The following ARHGAP17 variants were observed in gnomAD, a reference collection of about 807,000 sequenced individuals.
ARHGAP17 encodes the protein rho GTPase-activating protein 17.
ARHGAP17 carries 57 observed loss-of-function variants against 99.5 expected under a neutral mutation model. The ratio of observed to expected loss-of-function variants is 0.57; its 90% CI spans 0.46 to 0.71. The LOEUF (loss-of-function observed/expected upper bound fraction) is 0.71, where lower values mean the gene tolerates loss of function less well. ARHGAP17 is among the 30% of genes least tolerant of loss of function. ARHGAP17 has a pLI of 0.00. For synonymous variants in ARHGAP17, 417 were observed against 429.6 expected, an observed-to-expected ratio of 0.97 and a Z score of 0.36; for missense variants, 1,000 against 1,122.4, an observed-to-expected ratio of 0.89 and a Z score of 1.56.
chr16:24,932,529 CCT>C (rs936416566), intron 18 of ARHGAP17, among the ~76,000 whole-genome samples: 1 of 152,042 alleles, frequency 6.6e-6, no homozygotes, highest in African/African-American at 2.4e-5. Context: ...TAACATGACC[CCT>C]GATCCCAAGC....
chr16:24,997,281 C>T (rs1332871745), intron 1 of ARHGAP17, among the ~76,000 whole-genome samples: 2 of 148,322 alleles, frequency 1.3e-5, no homozygotes, highest in Non-Finnish European at 3.0e-5. Context: ...CACACCCAGA[C>T]TCATATTCTC....
Position 24,952,429 on chromosome 16 carries a change from A to C in ARHGAP17, c.965-59T>G, listed in dbSNP as rs139389885. 600 of 1,380,788 alleles carry C rather than the reference A, an allele frequency of 4.3e-4. 2 individuals carry two copies. The African/African-American group carries it at 7.9e-3, about 18-fold the overall frequency. 85.5% of individuals were successfully genotyped at this position (1,380,788 alleles called of 1,614,324 possible). A position where few individuals can be genotyped will look rare whatever the true frequency, so the allele number is the denominator to read the frequency against. On this transcript the variant is annotated intron_variant, in intron 11 of 19. Coordinates refer to ENST00000289968, the MANE Select transcript of ARHGAP17 (RefSeq NM_001006634.3). Reference sequence around the variant, plus strand: ...AAGGGGTAAGGCTAGGAATCTTGGGACATATTATTTTGCAAATTGAAATGA... The same window carrying C: ...AAGGGGTAAGGCTAGGAATCTTGGGCCATATTATTTTGCAAATTGAAATGA...
At chr16:24,960,776 C>T (rs2051968347) in intron 7 of ARHGAP17, among the ~76,000 whole-genome samples, 1 of 148,906 alleles carries the variant, frequency 6.7e-6, no homozygotes, top group African/African-American at 2.5e-5. Context: ...AAGATTGTGC[C>T]ACTGCACTCC....
chr16:24,979,295 T>C (rs989870169), intron 1 of ARHGAP17, among the ~76,000 whole-genome samples: 1 of 152,208 alleles, frequency 6.6e-6, no homozygotes, highest in African/African-American at 2.4e-5. Context: ...CAGCAGGTGC[T>C]GATATAAAAT....
intron 3 of ARHGAP17, among the ~76,000 whole-genome samples, chr16:24,976,919 C>T (rs1321371802): frequency 2.6e-5 from 4 of 152,230 alleles, no homozygotes; most frequent in Admixed American, 2.6e-4. Context: ...ACAGGCTTTC[C>T]GCTTTCTGCC....
chr16:24,923,236 G>A (rs1293735977), intron 19 of ARHGAP17, among the ~76,000 whole-genome samples: 1 of 152,074 alleles, frequency 6.6e-6, no homozygotes, highest in African/African-American at 2.4e-5. Context: ...TAAATCCCTG[G>A]GTGAGGGCCT....
chr16:24,923,739 A>G (rs1046758261), intron 19 of ARHGAP17, among the ~76,000 whole-genome samples: 1 of 151,442 alleles, frequency 6.6e-6, no homozygotes, highest in African/African-American at 2.4e-5. Context: ...AAAAAAAAAA[A>G]AAAAAAAAAG....
intron 1 of ARHGAP17, among the ~76,000 whole-genome samples, chr16:24,987,083 T>C (rs2052892191): frequency 6.6e-6 from 1 of 152,244 alleles, no homozygotes. Context: ...ATAAACACAG[T>C]TCTCTACCCA....
At chr16:24,983,356 C>T (rs7185228) in intron 1 of ARHGAP17, among the ~76,000 whole-genome samples, 45,471 of 151,054 alleles carry the variant, frequency 0.3, 7,150 homozygotes, top group East Asian at 0.5. Flanking sequence ...ATGCTGAGTG[C>T]AGTGGCCTGA....
At chr16:24,957,064 G>A (rs9936902) in intron 9 of ARHGAP17, 55,955 of 152,142 alleles carry the variant, frequency 0.37, 10,767 homozygotes, top group East Asian at 0.5. Context: ...CGCCAAGGCC[G>A]TGAGAGCATG....
intron 19 of ARHGAP17, among the ~76,000 whole-genome samples, chr16:24,925,674 T>C (rs1297344485): frequency 1.3e-5 from 2 of 152,192 alleles, no homozygotes; most frequent in African/African-American, 4.8e-5. Context: ...GATGAAACAT[T>C]ATGTAGTCAC....
chr16:24,980,102 C>G (rs2052631649), intron 1 of ARHGAP17, among the ~76,000 whole-genome samples: 1 of 152,184 alleles, frequency 6.6e-6, no homozygotes, highest in Admixed American at 6.5e-5. Flanking sequence ...ACCGGAAATT[C>G]AGAACAGGGA....
At chr16:25,015,071 C>T in intron 1 of ARHGAP17, 138 bp downstream of exon 1, 1 of 861,604 alleles carries the variant, frequency 1.2e-6, no homozygotes, top group Non-Finnish European at 1.4e-6. Context: ...AGCCCCCGGG[C>T]CCGTGCCCCG....
chr16:24,986,334 T>A (rs13331956), intron 1 of ARHGAP17, among the ~76,000 whole-genome samples: 4,912 of 152,202 alleles, frequency 0.032, 278 homozygotes, highest in African/African-American at 0.11. Context: ...ATTGTGGGAT[T>A]CAAACCCAGA....
intron 12 of ARHGAP17, among the ~76,000 whole-genome samples, chr16:24,951,533 A>G (rs2051644578): frequency 6.6e-6 from 1 of 152,208 alleles, no homozygotes; most frequent in African/African-American, 2.4e-5. Flanking sequence ...ACAATCTGAA[A>G]AAACTCACAG....
chr16:25,015,158 G>GCCCTCCC, intron 1 of ARHGAP17, 51 bp downstream of exon 1: 1 of 1,095,726 alleles, frequency 9.1e-7, no homozygotes, highest in African/African-American at 1.8e-5. Context: ...CGCGCCCTCC[G>GCCCTCCC]CCCTCCGCCC....
chr16:24,981,324 G>A (rs2052668393), intron 1 of ARHGAP17, among the ~76,000 whole-genome samples: 1 of 152,086 alleles, frequency 6.6e-6, no homozygotes, highest in Admixed American at 6.5e-5. Context: ...AAAACAAAAA[G>A]TCCACTGGAA....
At chr16:24,924,774 A>G (rs2050799094) in intron 19 of ARHGAP17, among the ~76,000 whole-genome samples, 1 of 152,018 alleles carries the variant, frequency 6.6e-6, no homozygotes, top group South Asian at 2.1e-4. Context: ...GAGGCAGGAG[A>G]ATCGCTTGAA....
chr16:24,959,419 C>G (rs867584671), intron 9 of ARHGAP17, among the ~76,000 whole-genome samples: 1 of 152,196 alleles, frequency 6.6e-6, no homozygotes, highest in South Asian at 2.1e-4. Context: ...AGGTACTCCC[C>G]AAAGAGGCCA....
Sources: gnomAD v4.1 joint callset for allele counts (sites outside exome capture counted in the v4.1 genomes callset) on GRCh38, gnomAD v4.1.1 for gene constraint, MANE v1.5 for transcripts, NCBI Gene and HGNC (gene_info 2026-07-23, HGNC 2026-07-21) for gene names.